Variants in MYO1D observed in about 807,000 individuals in gnomAD.
The protein encoded by MYO1D is myosin ID.
MYO1D carries 83 observed loss-of-function variants against 122.0 expected under a neutral mutation model. That is an observed-to-expected ratio of 0.68 (90% CI 0.57 to 0.82). The LOEUF (loss-of-function observed/expected upper bound fraction) is 0.82. MYO1D is among the 40% of genes least tolerant of loss of function. MYO1D has a pLI of 0.00. For missense variants in MYO1D, 1,157 were observed against 1,269.5 expected (o/e 0.91, Z 1.35); for synonymous variants, 464 against 446.9 (o/e 1.04, Z -0.48).
At chr17:32,496,532 C>T (rs1909118382) in intron 21 of MYO1D, among the ~76,000 whole-genome samples, 1 of 152,242 alleles carries the variant, frequency 6.6e-6, no homozygotes, top group African/African-American at 2.4e-5. Flanking sequence ...GCACCAGGGC[C>T]GCTCTGCAGG....
intron 20 of MYO1D, among the ~76,000 whole-genome samples, chr17:32,605,976 T>C (rs1032365399): frequency 6.6e-6 from 1 of 151,374 alleles, no homozygotes; most frequent in Non-Finnish European, 1.5e-5. Flanking sequence ...GGCGTGCGCC[T>C]GTAGTCCCAG....
intron 11 of MYO1D, among the ~76,000 whole-genome samples, chr17:32,750,167 T>C (rs1226855875): frequency 6.6e-6 from 1 of 152,180 alleles, no homozygotes; most frequent in Non-Finnish European, 1.5e-5. Context: ...GAATAGTTTA[T>C]GGGAAGGCAG....
At chr17:32,606,239 C>T (rs895226113) in intron 20 of MYO1D, among the ~76,000 whole-genome samples, 1 of 152,222 alleles carries the variant, frequency 6.6e-6, no homozygotes, top group Non-Finnish European at 1.5e-5. Context: ...AAATTCTAGT[C>T]CCAGATGATT....
chr17:32,657,292 C>T (rs116798605), intron 17 of MYO1D, among the ~76,000 whole-genome samples: 2,935 of 152,316 alleles, frequency 0.019, 85 homozygotes, highest in African/African-American at 0.064. Flanking sequence ...CTGTATTCCA[C>T]AGATCAAAAA....
intron 1 of MYO1D, among the ~76,000 whole-genome samples, chr17:32,854,638 C>T (rs2091013693): frequency 6.6e-6 from 1 of 152,292 alleles, no homozygotes; most frequent in South Asian, 2.1e-4. Context: ...TGTACACAGA[C>T]CAACTGGGCC....
intron 21 of MYO1D, among the ~76,000 whole-genome samples, chr17:32,578,216 G>C (rs1008746847): frequency 6.6e-6 from 1 of 152,208 alleles, no homozygotes; most frequent in East Asian, 1.9e-4. Context: ...ATGGTCCTAA[G>C]TTCTTTTATT....
At chr17:32,772,984 A>C (rs1229842219) in intron 4 of MYO1D, 142 bp from the exon 5 acceptor site, 1 of 696,752 alleles carries the variant, frequency 1.4e-6, no homozygotes, top group Non-Finnish European at 2.6e-6. Flanking sequence ...CTGAAGAATC[A>C]CATAAGAAGT....
chr17:32,568,186 C>CAAAAAAAAAA lies in MYO1D; in HGVS notation c.2864+36891_2864+36900dup, dbSNP rs386385913. Among the ~76,000 whole-genome samples, 4 of 124,350 alleles carry CAAAAAAAAAA rather than the reference C, an allele frequency of 3.2e-5. 1 individual carries two copies. The highest frequency in any genetic ancestry group is 6.8e-5 in the Non-Finnish European group (4 of 58,624). The allele number at this position is 124,350 out of a possible 152,430, so 81.6% of individuals were successfully genotyped here. A position where few individuals can be genotyped will look rare whatever the true frequency, so the allele number is the denominator to read the frequency against. On this transcript the variant is annotated intron_variant, in intron 21 of 21. Coordinates refer to ENST00000318217, the MANE Select transcript of MYO1D (RefSeq NM_015194.3). ...TCCTCTTTATCTTTCTGCGTTATTA[C>CAAAAAAAAAA]AAAAAAAAAAAAAAAAGGCTGGTGT...
intron 21 of MYO1D, among the ~76,000 whole-genome samples, chr17:32,524,224 C>T (rs553226784): frequency 6.6e-6 from 1 of 152,242 alleles, no homozygotes; most frequent in Non-Finnish European, 1.5e-5. Flanking sequence ...GTAAAAAAAG[C>T]ATCATTTTGC....
At chr17:32,750,676 T>C (rs1030396829) in intron 11 of MYO1D, among the ~76,000 whole-genome samples, 1 of 152,138 alleles carries the variant, frequency 6.6e-6, no homozygotes, top group Non-Finnish European at 1.5e-5. Context: ...CCACTTAGGT[T>C]CTAATGTTCG....
At chr17:32,618,932 G>A (rs769024386) in intron 20 of MYO1D, among the ~76,000 whole-genome samples, 5 of 152,094 alleles carry the variant, frequency 3.3e-5, no homozygotes, top group Non-Finnish European at 5.9e-5. Context: ...ACTGTGCCTC[G>A]CAACTCCTCC....
At chr17:32,795,776 T>TA (rs2090409546) in intron 1 of MYO1D, among the ~76,000 whole-genome samples, 1 of 152,022 alleles carries the variant, frequency 6.6e-6, no homozygotes, top group South Asian at 2.1e-4. Context: ...CAAGTACTCC[T>TA]AAAGACTGAG....
intron 15 of MYO1D, among the ~76,000 whole-genome samples, chr17:32,714,848 C>A (rs889076455): frequency 6.6e-6 from 1 of 151,874 alleles, no homozygotes; most frequent in African/African-American, 2.4e-5. Context: ...ACACAACAAA[C>A]GAAATTATCA....
At chr17:32,724,243 T>G (rs925740225) in intron 14 of MYO1D, among the ~76,000 whole-genome samples, 1 of 152,184 alleles carries the variant, frequency 6.6e-6, no homozygotes, top group Admixed American at 6.5e-5. Context: ...GCTACCAGAT[T>G]TATCTGCATG....
intron 21 of MYO1D, among the ~76,000 whole-genome samples, chr17:32,545,743 A>C (rs1334003849): frequency 6.6e-6 from 1 of 151,714 alleles, no homozygotes; most frequent in Non-Finnish European, 1.5e-5. Flanking sequence ...CATGAATGAC[A>C]TCTCCAATTT....
intron 17 of MYO1D, among the ~76,000 whole-genome samples, chr17:32,656,346 G>A (rs2088476483): frequency 6.6e-6 from 1 of 152,146 alleles, no homozygotes; most frequent in East Asian, 1.9e-4. Context: ...AAAGTGTAAT[G>A]ACTTTCTGGA....
At chr17:32,788,936 C>T (rs1370802203) in intron 1 of MYO1D, among the ~76,000 whole-genome samples, 2 of 152,086 alleles carry the variant, frequency 1.3e-5, no homozygotes, top group Admixed American at 1.3e-4. Flanking sequence ...TTCACAAGTG[C>T]TTTGTAGTTT....
intron 16 of MYO1D, among the ~76,000 whole-genome samples, chr17:32,702,423 A>T (rs2089259366): frequency 6.6e-6 from 1 of 152,190 alleles, no homozygotes; most frequent in African/African-American, 2.4e-5. Flanking sequence ...TAAAATTAGA[A>T]ACAATCATAT....
At chr17:32,651,852 A>G (rs1490256897) in intron 19 of MYO1D, among the ~76,000 whole-genome samples, 1 of 151,332 alleles carries the variant, frequency 6.6e-6, no homozygotes, top group African/African-American at 2.4e-5. Flanking sequence ...ATTTTTTTGT[A>G]TTTTTAGTAG....
Sources: allele counts gnomAD v4.1 joint callset (sites outside exome capture counted in the v4.1 genomes callset), GRCh38; gene constraint gnomAD v4.1.1; transcripts MANE v1.5; gene names NCBI Gene and HGNC (gene_info 2026-07-23, HGNC 2026-07-21).